PDGFD: variants seen among roughly 807,000 people sequenced by gnomAD.
PDGFD encodes platelet-derived growth factor D.
In PDGFD, 30 loss-of-function variants were observed where a neutral mutation model predicts 44.7. That is an observed-to-expected ratio of 0.67 (90% CI 0.50 to 0.91). PDGFD has a LOEUF of 0.91. Ranked by LOEUF, PDGFD falls within the 40% of genes least tolerant of loss-of-function variation. PDGFD has a pLI of 0.00. For synonymous variants in PDGFD, 173 were observed against 168.4 expected (o/e 1.03, Z -0.21); for missense variants, 445 against 457.8 (o/e 0.97, Z 0.25).
At chr11:103,938,475 T>C (rs1035363145) in intron 5 of PDGFD, among the ~76,000 whole-genome samples, 4 of 152,340 alleles carry the variant, frequency 2.6e-5, no homozygotes, top group African/African-American at 9.6e-5. Flanking sequence ...AATGAGTAGG[T>C]TGCAAAAATT....
chr11:104,017,491 A>T (rs1253560913), intron 1 of PDGFD, among the ~76,000 whole-genome samples: 1 of 152,156 alleles, frequency 6.6e-6, no homozygotes, highest in East Asian at 1.9e-4. Context: ...TCAAATTTCC[A>T]GTCTAACACT....
At chr11:104,122,648 C>T (rs1298277796) in intron 1 of PDGFD, among the ~76,000 whole-genome samples, 4 of 151,956 alleles carry the variant, frequency 2.6e-5, no homozygotes, top group Non-Finnish European at 2.9e-5. Flanking sequence ...GAAAAGGAAC[C>T]TCGGGTATAA....
chr11:104,042,099 A>G (rs891648482), intron 1 of PDGFD, among the ~76,000 whole-genome samples: 2 of 152,186 alleles, frequency 1.3e-5, no homozygotes, highest in Non-Finnish European at 2.9e-5. Flanking sequence ...AGCAAACATA[A>G]AGATGGGTAG....
At chr11:103,961,107 G>A (rs1259169974) in intron 3 of PDGFD, among the ~76,000 whole-genome samples, 2 of 152,142 alleles carry the variant, frequency 1.3e-5, no homozygotes, top group African/African-American at 4.8e-5. Flanking sequence ...CTTAAGGGTG[G>A]AAATGTTTTC....
intron 5 of PDGFD, among the ~76,000 whole-genome samples, chr11:103,940,500 G>T (rs1277132081): frequency 6.6e-6 from 1 of 152,046 alleles, no homozygotes; most frequent in Non-Finnish European, 1.5e-5. Flanking sequence ...AAAAGGCAAA[G>T]TTTTATTTGA....
At position 104,002,073 on chromosome 11, in the gene PDGFD, C is replaced by T. The variant is rs1315965863; in HGVS notation, c.125-1818G>A. On this transcript the variant is annotated intron_variant, in intron 1 of 6. Transcript: ENST00000393158. ...CCTGCCTCCAGATGAAGGCAGTGGC[C>T]TGCAGTCATGGCAGCACTTCCAACA... Among the ~76,000 whole-genome samples, 4 of 152,308 alleles carry T rather than the reference C, an allele frequency of 2.6e-5. No homozygotes were observed. The East Asian group carries it at 7.7e-4, about 29-fold the overall frequency.
chr11:104,025,916 C>T (rs1323310480), intron 1 of PDGFD, among the ~76,000 whole-genome samples: 1 of 152,178 alleles, frequency 6.6e-6, no homozygotes, highest in Admixed American at 6.5e-5. Context: ...GACCTTTTCT[C>T]TTGTGCACCC....
chr11:104,036,804 G>A, intron 1 of PDGFD: 1 of 1,603,398 alleles, frequency 6.2e-7, no homozygotes, highest in Non-Finnish European at 8.5e-7. Context: ...TGCTAGCCCG[G>A]CCCGCCCGGG....
In PDGFD at chr11:103,962,637, G is replaced by T. The variant is rs867716376; in HGVS notation, c.511-14913C>A. Among the ~76,000 whole-genome samples, 27 of 152,268 alleles carry T rather than the reference G, an allele frequency of 1.8e-4. No homozygotes were observed. The Middle Eastern group carries it at 0.014, about 77-fold the overall frequency. On this transcript the variant is annotated intron_variant, in intron 3 of 6. Coordinates refer to ENST00000393158, the MANE Select transcript of PDGFD (RefSeq NM_025208.5). ...AGAAAAGATTTGATAATCACCATGT[G>T]AAAACATTTTTAAAAACTGATGTTG... is the stretch of plus-strand genomic sequence containing the variant.
chr11:104,000,962 A>G (rs1021540406), intron 1 of PDGFD, among the ~76,000 whole-genome samples: 58 of 151,098 alleles, frequency 3.8e-4, no homozygotes, highest in Admixed American at 2.0e-4. Context: ...TATTTTTGTT[A>G]TTCATGATAT....
chr11:103,926,862 C>T (rs1438867656), intron 6 of PDGFD, 50 bp downstream of exon 6: 1 of 1,550,568 alleles, frequency 6.4e-7, no homozygotes, highest in South Asian at 1.2e-5. Context: ...CCCTGTCTTC[C>T]TGAATCCTAT....
intron 3 of PDGFD, among the ~76,000 whole-genome samples, chr11:103,981,275 C>T (rs574920266): frequency 2.6e-5 from 4 of 151,612 alleles, no homozygotes; most frequent in Non-Finnish European, 5.9e-5. Flanking sequence ...GCAGAGAATC[C>T]ATACCAGCAA....
At chr11:104,060,532 T>C (rs1322301470) in intron 1 of PDGFD, among the ~76,000 whole-genome samples, 4 of 152,202 alleles carry the variant, frequency 2.6e-5, no homozygotes, top group Non-Finnish European at 5.9e-5. Context: ...TCAGATTTAA[T>C]TATAGTGCCC....
chr11:104,031,386 A>T (rs1325137275), intron 1 of PDGFD, among the ~76,000 whole-genome samples: 1 of 152,240 alleles, frequency 6.6e-6, no homozygotes, highest in Non-Finnish European at 1.5e-5. Flanking sequence ...AAACATATTT[A>T]AAAAAGCTCA....
intron 1 of PDGFD, among the ~76,000 whole-genome samples, chr11:104,052,111 C>T (rs1378246070): frequency 6.6e-6 from 1 of 152,162 alleles, no homozygotes; most frequent in Non-Finnish European, 1.5e-5. Flanking sequence ...CCGAGCCATA[C>T]AACACATGAC....
chr11:104,098,020 A>G (rs1406625751), intron 1 of PDGFD, among the ~76,000 whole-genome samples: 1 of 152,188 alleles, frequency 6.6e-6, no homozygotes, highest in Non-Finnish European at 1.5e-5. Context: ...ACTTTCAATA[A>G]TTAGAAAAGA....
intron 1 of PDGFD, among the ~76,000 whole-genome samples, chr11:104,084,072 G>A (rs540746729): frequency 6.6e-6 from 1 of 152,282 alleles, no homozygotes; most frequent in Admixed American, 6.5e-5. Flanking sequence ...CAATATGTAC[G>A]GATTAGTGCA....
intron 3 of PDGFD, among the ~76,000 whole-genome samples, chr11:103,977,214 A>T (rs1186867467): frequency 6.6e-6 from 1 of 152,032 alleles, no homozygotes; most frequent in Non-Finnish European, 1.5e-5. Context: ...CTACCAACCA[A>T]GAAAAAGCCC....
chr11:103,954,683 A>T (rs1269313784), intron 3 of PDGFD, among the ~76,000 whole-genome samples: 1 of 152,046 alleles, frequency 6.6e-6, no homozygotes, highest in Non-Finnish European at 1.5e-5. Flanking sequence ...ATTTTATTCT[A>T]TTTGCTGCTT....
Sources: gnomAD v4.1 joint callset for allele counts (sites outside exome capture counted in the v4.1 genomes callset) on GRCh38, gnomAD v4.1.1 for gene constraint, MANE v1.5 for transcripts, NCBI Gene and HGNC (gene_info 2026-07-23, HGNC 2026-07-21) for gene names.